LAP3: variants seen among roughly 807,000 people sequenced by gnomAD.
LAP3 encodes leucine aminopeptidase 3.
In LAP3, 46 loss-of-function variants were observed where a neutral mutation model predicts 58.8. The observed-to-expected ratio is 0.78, with a 90% CI of 0.62 to 1.00. LAP3 has a LOEUF of 1.00. Ranked by LOEUF, LAP3 falls within the 50% of genes least tolerant of loss-of-function variation. The pLI, the probability that LAP3 is intolerant of heterozygous loss-of-function variation, is 0.00. For missense variants in LAP3, 615 were observed against 659.1 expected, an observed-to-expected ratio of 0.93 and a Z score of 0.73; for synonymous variants, 257 against 237.7, an observed-to-expected ratio of 1.08 and a Z score of -0.75.
chr4:17,598,364 T>C, intron 9 of LAP3, 92 bp from the exon 10 acceptor site: 1 of 898,834 alleles, frequency 1.1e-6, no homozygotes, highest in Non-Finnish European at 1.9e-6. Context: ...ACAGTAGCTT[T>C]TTCCAACTTT....
chr4:17,593,474 C>G (rs980221919), intron 7 of LAP3, among the ~76,000 whole-genome samples: 1 of 151,960 alleles, frequency 6.6e-6, no homozygotes, highest in African/African-American at 2.4e-5. Context: ...TGCCTGAAGA[C>G]CAAATATCTT....
At chr4:17,582,642 G>A (rs553352480) in intron 4 of LAP3, 51 of 356,168 alleles carry the variant, frequency 1.4e-4, no homozygotes, top group Admixed American at 6.2e-4. Context: ...CCATTTGTTC[G>A]CTCTTGTCAT....
intron 7 of LAP3, among the ~76,000 whole-genome samples, chr4:17,589,333 T>A (rs1713617561): frequency 6.6e-6 from 1 of 152,148 alleles, no homozygotes; most frequent in South Asian, 2.1e-4. Flanking sequence ...AATGCTGGGA[T>A]TACAGACATG....
intron 8 of LAP3, among the ~76,000 whole-genome samples, chr4:17,596,249 A>T (rs1186533565): frequency 2.0e-5 from 3 of 152,210 alleles, no homozygotes; most frequent in Non-Finnish European, 2.9e-5. Flanking sequence ...CAAAACCATT[A>T]TCTTTTCCGA....
chr4:17,578,045 A>G lies in LAP3; in HGVS notation c.102+478A>G, dbSNP rs1713257227. Reference sequence around the variant, plus strand: ...AGGAAAAGCATGCCTCTCTAGAGAAAAGGGCTTTGGGGAGAGACCCACGTT... The same window carrying G: ...AGGAAAAGCATGCCTCTCTAGAGAAGAGGGCTTTGGGGAGAGACCCACGTT... On this transcript the variant is annotated intron_variant, in intron 1 of 12. Transcript: ENST00000226299. 2.0e-5 allele frequency among the ~76,000 whole-genome samples: 3 copies of G among 152,216 alleles called. No homozygotes were observed. In the South Asian group the frequency reaches 6.2e-4, roughly 32 times the overall value.
intron 2 of LAP3, among the ~76,000 whole-genome samples, chr4:17,580,362 G>A (rs376267197): frequency 2.3e-4 from 35 of 149,550 alleles, no homozygotes; most frequent in Non-Finnish European, 2.2e-4. Context: ...AGACAATGCC[G>A]GGAAGTGCTC....
Position 17,577,207 on chromosome 4 carries a change from T to TGCGGGCGCACACGAAA in LAP3, c.-244_-243insAGCGGGCGCACACGAA. 3.3e-6 allele frequency: 1 copy of TGCGGGCGCACACGAAA among 301,944 alleles called. No individual in the cohort carries two copies. 18.7% of individuals were successfully genotyped at this position (301,944 alleles called of 1,614,324 possible). ...GCCCGCATGCGCGGGCGCACACGAA[T>TGCGGGCGCACACGAAA]GCGGGCGCACACGAATGCGGGCGCA... On this transcript the variant is annotated 5_prime_UTR_variant, in exon 1 of 13. In the 5' UTR this introduces an upstream ATG that the reference lacks. Coordinates refer to ENST00000226299, the MANE Select transcript of LAP3 (RefSeq NM_015907.3).
rs1713471839 is a variant in LAP3, at chr4:17,585,130, A to G, written c.698A>G (p.His233Arg). The G allele has an allele frequency of 1.9e-6, 3 of 1,612,274 alleles. No homozygotes were observed. The highest frequency in any genetic ancestry group is 1.1e-5 in the South Asian group (1 of 91,016). ...AGTGCTAGTAGTAAAACCGAGGTCCATATCAGGTAATTCAGGATTGTGTCA... is the reference window on the plus strand; with the variant it reads ...AGTGCTAGTAGTAAAACCGAGGTCCGTATCAGGTAATTCAGGATTGTGTCA... ...LKSASSKTEV[H>R]IRPKSWIEEQ... Residue 233 changes from histidine to arginine, a missense_variant, in exon 6 of 13, where the codon CAT (histidine) becomes CGT (arginine). By Grantham distance (29) the His-to-Arg change is conservative. Transcript: ENST00000226299.
Position 17,604,554 on chromosome 4 carries a change from G to C in LAP3, c.1181-34G>C, listed in dbSNP as rs569435325. The C allele has an allele frequency of 4.4e-6, 7 of 1,577,638 alleles. No homozygotes were observed. In the African/African-American group the frequency reaches 9.4e-5, roughly 21 times the overall value. ...CGGAGGAGCCCATTTTGCCTGGAGAGACTGCACGTGACCTGAGGGCTTGTG... is the reference window on the plus strand; with the variant it reads ...CGGAGGAGCCCATTTTGCCTGGAGACACTGCACGTGACCTGAGGGCTTGTG... On this transcript the variant is annotated intron_variant, in intron 10 of 12. Coordinates refer to ENST00000226299, the MANE Select transcript of LAP3 (RefSeq NM_015907.3).
At chr4:17,598,603 T>C in intron 10 of LAP3, 45 bp downstream of exon 10, 1 of 1,371,354 alleles carries the variant, frequency 7.3e-7, no homozygotes, top group East Asian at 2.3e-5. Flanking sequence ...GGAAGTCTTG[T>C]TCGTTGCATG....
chr4:17,602,435 T>C (rs933602421), intron 10 of LAP3, among the ~76,000 whole-genome samples: 5 of 152,196 alleles, frequency 3.3e-5, no homozygotes, highest in Non-Finnish European at 7.3e-5. Context: ...ATTTTTAAGT[T>C]GATTTTTTAA....
Position 17,588,946 on chromosome 4 carries a change from G to C in LAP3, c.832G>C (p.Val278Leu), listed in dbSNP as rs751952187. The change falls in exon 7 of 13, where the codon GTG becomes CTG. Residue 278 changes from valine to leucine, a missense_variant. By Grantham distance (32) the Val-to-Leu change is conservative (BLOSUM62 1). Transcript: ENST00000226299. The part of the protein sequence containing the change: ...GSPNANEPPL[V>L]FVGKGITFDS... ...CCCCAATGCAAACGAACCACCCCTG[G>C]TGTTTGTTGGGAAAGGAATTACCTT... The C allele has an allele frequency of 6.8e-6, 11 of 1,614,082 alleles. No homozygotes were observed. Among genetic ancestry groups the C allele is most frequent in the Non-Finnish European group, 9.3e-6 (11 of 1,180,022 alleles).
At chr4:17,581,860 A>G in intron 3 of LAP3, 46 bp downstream of exon 3, 2 of 1,435,142 alleles carry the variant, frequency 1.4e-6, no homozygotes, top group South Asian at 1.2e-5. Context: ...ATGAGCATCT[A>G]CTGTACACCA....
At chr4:17,584,808 C>T (rs1179589927) in intron 5 of LAP3, 164 bp from the exon 6 acceptor site, 2 of 611,344 alleles carry the variant, frequency 3.3e-6, no homozygotes, top group Non-Finnish European at 5.6e-6. Flanking sequence ...CATCTGCTGC[C>T]CTGGGTCAGA....
In LAP3 at chr4:17,585,227, A is replaced by G; in HGVS notation, c.704+91A>G. The stretch of plus-strand genomic sequence containing the variant: ...TCCAGCTCCCTCACTTTTTAGAGGA[A>G]TAACTTGAGACCAGAGATTTGAGAT... On this transcript the variant is annotated intron_variant, in intron 6 of 12. Transcript: ENST00000226299. The G allele has an allele frequency of 4.6e-6, 5 of 1,076,538 alleles. No individual in the cohort carries two copies. The South Asian group carries it at 7.0e-5, about 15-fold the overall frequency. 66.7% of individuals were successfully genotyped at this position (1,076,538 alleles called of 1,614,324 possible). A position where few individuals can be genotyped will look rare whatever the true frequency, so the allele number is the denominator to read the frequency against.
chr4:17,596,349 T>G lies in LAP3; in HGVS notation c.989-697T>G, dbSNP rs1294418638. Among the ~76,000 whole-genome samples, 6 of 151,954 alleles carry G rather than the reference T, an allele frequency of 3.9e-5. No homozygotes were observed. The East Asian group carries it at 9.7e-4, about 24-fold the overall frequency. ...TATTTAGGTTTTTTTGGTTTTTTGGTTTTTTTTGAGATGGAGTTTCGCTCT... is the reference window on the plus strand; with the variant it reads ...TATTTAGGTTTTTTTGGTTTTTTGGGTTTTTTTGAGATGGAGTTTCGCTCT... On this transcript the variant is annotated intron_variant, in intron 8 of 12. Coordinates refer to ENST00000226299, the MANE Select transcript of LAP3 (RefSeq NM_015907.3).
In LAP3 at chr4:17,587,663, C is replaced by G. The variant is rs1577220818; in HGVS notation, c.705-1156C>G. 2.0e-5 allele frequency: 3 copies of G among 152,176 alleles called. No individual in the cohort carries two copies. The South Asian group carries it at 6.2e-4, about 32-fold the overall frequency. 9.4% of individuals were successfully genotyped at this position (152,176 alleles called of 1,614,324 possible). A position where few individuals can be genotyped will look rare whatever the true frequency, so the allele number is the denominator to read the frequency against. ...CCGTGGCCAGAAATCAATACAAAGC[C>G]CTTTTGTGCTCCTAGCCTAGAAAGA... On this transcript the variant is annotated intron_variant, in intron 6 of 12. Transcript: ENST00000226299.
rs1713371934 is a variant in LAP3, at chr4:17,581,803, G to A, written c.262G>A (p.Gly88Ser). The change falls in exon 3 of 13, where the codon GGT becomes AGT. Residue 88 changes from glycine to serine, a missense_variant. Transcript: ENST00000226299. ...LKAGKTRTFY[G>S]LHQDFPSVVL... is the part of the protein sequence containing the mutation. ...GGCAGGGAAGACTCGAACCTTTTAT[G>A]GTCTGCATCAGGTATGAGAAGAACG... 6.2e-7 allele frequency: 1 copy of A among 1,613,394 alleles called. No individual in the cohort carries two copies. The highest frequency in any genetic ancestry group is 8.5e-7 in the Non-Finnish European group (1 of 1,179,526).
rs1010290682 is a variant in LAP3 at position 17,581,833 on chromosome 4, C to A, written c.273+19C>A. 26 of 1,606,322 alleles carry A rather than the reference C, an allele frequency of 1.6e-5. No individual in the cohort carries two copies. The highest frequency in any genetic ancestry group is 2.0e-5 in the Non-Finnish European group (23 of 1,173,300). On this transcript the variant is annotated intron_variant, in intron 3 of 12. Coordinates refer to ENST00000226299, the MANE Select transcript of LAP3 (RefSeq NM_015907.3). Reference sequence around the variant, plus strand: ...GCATCAGGTATGAGAAGAACGTGATCATTTGGTAAACCCTCAATGAGCATC... The same window carrying A: ...GCATCAGGTATGAGAAGAACGTGATAATTTGGTAAACCCTCAATGAGCATC...
Sources: allele counts gnomAD v4.1 joint callset (sites outside exome capture counted in the v4.1 genomes callset), GRCh38; gene constraint gnomAD v4.1.1; transcripts MANE v1.5; gene names NCBI Gene and HGNC (gene_info 2026-07-23, HGNC 2026-07-21).